The following SEMA3E variants were observed in gnomAD, a reference collection of about 807,000 sequenced individuals.
The protein encoded by SEMA3E is semaphorin 3E.
In SEMA3E, 49 loss-of-function variants were observed where a neutral mutation model predicts 93.6. The ratio of observed to expected loss-of-function variants is 0.52; its 90% confidence interval spans 0.42 to 0.66. The LOEUF (loss-of-function observed/expected upper bound fraction) is 0.66. Among genes scored for constraint, SEMA3E ranks in the 30% least tolerant of loss-of-function variants. The probability of loss-of-function intolerance (pLI) is 0.00; values close to 1 mark genes in which losing one functional copy is unlikely to be tolerated. For missense variants in SEMA3E, 906 were observed against 964.8 expected (o/e 0.94, Z 0.81); for synonymous variants, 363 against 330.7 (o/e 1.10, Z -1.06).
At chr7:83,565,470 A>G (rs189447936) in intron 1 of SEMA3E, among the ~76,000 whole-genome samples, 3 of 152,312 alleles carry the variant, frequency 2.0e-5, no homozygotes, top group African/African-American at 7.2e-5. Flanking sequence ...ACGTATACCT[A>G]TGGAACAAAC....
chr7:83,381,645 G>T (rs1787781368), intron 16 of SEMA3E, among the ~76,000 whole-genome samples: 1 of 151,692 alleles, frequency 6.6e-6, no homozygotes, highest in African/African-American at 2.4e-5. Flanking sequence ...TATAAGGCAG[G>T]ACATAGTAAG....
In SEMA3E at chr7:83,641,665, AAT is replaced by A. The variant is rs1184234317; in HGVS notation, c.115+6761_115+6762del. 2.6e-5 allele frequency among the ~76,000 whole-genome samples: 4 copies of A among 152,320 alleles called. No homozygotes were observed. The South Asian group carries it at 6.2e-4, about 24-fold the overall frequency. ...TTTGCTCCTTCTAGTTATCTACTCT[AAT>A]AAGAGCTGGTGTTCATTAAAGAAAA... On this transcript the variant is annotated intron_variant, in intron 1 of 16. Transcript: ENST00000643230.
At chr7:83,517,540 C>T (rs1790956165) in intron 1 of SEMA3E, among the ~76,000 whole-genome samples, 1 of 152,104 alleles carries the variant, frequency 6.6e-6, no homozygotes, top group African/African-American at 2.4e-5. Context: ...TACTAGATTC[C>T]ATTGTTATAA....
chr7:83,553,688 A>G (rs547095190), intron 1 of SEMA3E, among the ~76,000 whole-genome samples: 3 of 152,228 alleles, frequency 2.0e-5, no homozygotes, highest in Admixed American at 6.5e-5. Flanking sequence ...AGGTTTTGGC[A>G]TTATTTTTGT....
At chr7:83,390,014 C>T (rs1227204562) in intron 14 of SEMA3E, among the ~76,000 whole-genome samples, 2 of 117,418 alleles carry the variant, frequency 1.7e-5, no homozygotes, top group South Asian at 2.9e-4. Context: ...CACATATATA[C>T]GCGTATATGT....
At chr7:83,565,763 G>A (rs1002353199) in intron 1 of SEMA3E, among the ~76,000 whole-genome samples, 68 of 152,118 alleles carry the variant, frequency 4.5e-4, no homozygotes, top group East Asian at 1.9e-4. Context: ...ACAGCTATAC[G>A]TGTTTTTTCC....
At chr7:83,618,799 G>A (rs1303109717) in intron 1 of SEMA3E, among the ~76,000 whole-genome samples, 2 of 151,778 alleles carry the variant, frequency 1.3e-5, no homozygotes, top group African/African-American at 4.8e-5. Context: ...TAAAATTGGG[G>A]CTATCTTTCA....
intron 4 of SEMA3E, among the ~76,000 whole-genome samples, chr7:83,432,264 A>G (rs1293308872): frequency 7.3e-6 from 1 of 137,512 alleles, no homozygotes; most frequent in East Asian, 2.0e-4. Flanking sequence ...ACACAATTGC[A>G]TTTGAGGGTT....
chr7:83,606,541 G>T lies in SEMA3E; in HGVS notation c.115+41887C>A, dbSNP rs1042575108. Among the ~76,000 whole-genome samples, 111 of 143,730 alleles carry T rather than the reference G, an allele frequency of 7.7e-4. 1 individual carries two copies. In the Middle Eastern group the frequency reaches 0.011, roughly 14 times the overall value. 94.3% of individuals were successfully genotyped at this position (143,730 alleles called of 152,430 possible). A position where few individuals can be genotyped will look rare whatever the true frequency, so the allele number is the denominator to read the frequency against. On this transcript the variant is annotated intron_variant, in intron 1 of 16. Coordinates refer to ENST00000643230, the MANE Select transcript of SEMA3E (RefSeq NM_012431.3). ...AAAACCAAACACCGCATATTCTCACGCATAGGTGGGAATTGAACAATGAGA... is the reference window on the plus strand; with the variant it reads ...AAAACCAAACACCGCATATTCTCACTCATAGGTGGGAATTGAACAATGAGA...
intron 4 of SEMA3E, among the ~76,000 whole-genome samples, chr7:83,436,015 T>G (rs775982894): frequency 6.6e-6 from 1 of 152,170 alleles, no homozygotes; most frequent in Non-Finnish European, 1.5e-5. Flanking sequence ...GTTAAATTAT[T>G]TCATGATGTG....
chr7:83,394,377 T>C (rs1562761138), intron 12 of SEMA3E, 39 bp from the exon 13 acceptor site: 1 of 1,531,922 alleles, frequency 6.5e-7, no homozygotes, highest in Admixed American at 1.7e-5. Context: ...AAGAAAACAG[T>C]ATAAAAACAT....
intron 1 of SEMA3E, among the ~76,000 whole-genome samples, chr7:83,647,129 A>G (rs1432307369): frequency 6.6e-6 from 1 of 152,106 alleles, no homozygotes; most frequent in Admixed American, 6.5e-5. Context: ...ACACTTTACC[A>G]ATTTAGTATC....
chr7:83,367,710 G>C lies in SEMA3E; in HGVS notation c.2204C>G (p.Thr735Arg), dbSNP rs1794692146. The change falls in exon 17 of 17, where the codon ACA (threonine) becomes AGA (arginine). Residue 735 changes from threonine (T) to arginine (R), a missense_variant. Transcript: ENST00000643230. ...TTTAAGCTTTTTCCTCTTTCTATCT[G>C]TGCACCATACTTTCTCGCAGTATTC... ...VEEYCEKVWCTDRKRKKLKMS... is the reference protein window; with the variant it reads ...VEEYCEKVWCRDRKRKKLKMS... 1 of 1,613,858 alleles carries C rather than the reference G, an allele frequency of 6.2e-7. No homozygotes were observed. The highest frequency in any genetic ancestry group is 8.5e-7 in the Non-Finnish European group (1 of 1,180,002).
chr7:83,540,945 A>G (rs954010434), intron 1 of SEMA3E, among the ~76,000 whole-genome samples: 2 of 152,234 alleles, frequency 1.3e-5, no homozygotes, highest in African/African-American at 4.8e-5. Context: ...TGGAATAAAA[A>G]TTTTGACAAA....
chr7:83,459,275 T>A (rs1789560283), intron 4 of SEMA3E, among the ~76,000 whole-genome samples: 1 of 151,994 alleles, frequency 6.6e-6, no homozygotes, highest in African/African-American at 2.4e-5. Flanking sequence ...GACAAAGCAG[T>A]TTGAGATACT....
chr7:83,455,445 C>A (rs186313546), intron 4 of SEMA3E, among the ~76,000 whole-genome samples: 1 of 152,130 alleles, frequency 6.6e-6, no homozygotes, highest in East Asian at 1.9e-4. Flanking sequence ...CTTGCCTCTC[C>A]CAGAAACATT....
chr7:83,620,869 T>A (rs77643509), intron 1 of SEMA3E, among the ~76,000 whole-genome samples: 1 of 152,108 alleles, frequency 6.6e-6, no homozygotes, highest in South Asian at 2.1e-4. Context: ...CCACATATGA[T>A]AAGCCCACAA....
intron 5 of SEMA3E, among the ~76,000 whole-genome samples, chr7:83,417,441 T>C (rs1180691788): frequency 6.6e-6 from 1 of 152,106 alleles, no homozygotes; most frequent in Non-Finnish European, 1.5e-5. Context: ...GTTTTAATCG[T>C]TTATTTAGAA....
intron 4 of SEMA3E, among the ~76,000 whole-genome samples, chr7:83,456,206 C>T (rs1218958569): frequency 1.3e-5 from 2 of 152,302 alleles, no homozygotes; most frequent in African/African-American, 2.4e-5. Flanking sequence ...TGCCAATTCT[C>T]TAGAAATATG....
Sources: gnomAD v4.1 joint callset for allele counts (sites outside exome capture counted in the v4.1 genomes callset) on GRCh38, gnomAD v4.1.1 for gene constraint, MANE v1.5 for transcripts, NCBI Gene and HGNC (gene_info 2026-07-23, HGNC 2026-07-21) for gene names.